MGAT4C: variants seen among roughly 807,000 people sequenced by gnomAD.
The protein encoded by MGAT4C is alpha-1,3-mannosyl-glycoprotein 4-beta-N-acetylglucosaminyltransferase C.
MGAT4C carries 19 observed loss-of-function variants against 40.1 expected under a neutral mutation model. That is an observed-to-expected ratio of 0.47 (90% CI 0.33 to 0.70). The LOEUF is 0.70. MGAT4C is among the 30% of genes least tolerant of loss of function. The pLI is 0.02. For synonymous variants in MGAT4C, 181 were observed against 187.1 expected (o/e 0.97, Z 0.27); for missense variants, 491 against 563.2 (o/e 0.87, Z 1.30).
chr12:86,064,470 T>C (rs1157759557), intron 1 of MGAT4C, among the ~76,000 whole-genome samples: 1 of 152,034 alleles, frequency 6.6e-6, no homozygotes, highest in Non-Finnish European at 1.5e-5. Flanking sequence ...GACTACTGGG[T>C]AAATAATGAA....
At chr12:86,261,624 A>T (rs1952660114) in intron 4 of MGAT4C, among the ~76,000 whole-genome samples, 1 of 152,062 alleles carries the variant, frequency 6.6e-6, no homozygotes, top group Non-Finnish European at 1.5e-5. Flanking sequence ...TACTCTATTG[A>T]TTTTCAATAT....
At chr12:86,049,653 A>C (rs1442049670) in intron 2 of MGAT4C, 21 bp downstream of exon 2, 1 of 973,334 alleles carries the variant, frequency 1.0e-6, no homozygotes, top group Non-Finnish European at 1.2e-6. Flanking sequence ...GAATACTACC[A>C]TGAATGACAT....
At chr12:86,661,218 A>G (rs984222806) in intron 2 of MGAT4C, among the ~76,000 whole-genome samples, 2 of 151,826 alleles carry the variant, frequency 1.3e-5, no homozygotes, top group African/African-American at 4.8e-5. Context: ...AAAAGGAAAA[A>G]GCCAAATAAA....
At chr12:86,361,862 A>T (rs1955482023) in intron 3 of MGAT4C, among the ~76,000 whole-genome samples, 6 of 152,220 alleles carry the variant, frequency 3.9e-5, no homozygotes, top group Admixed American at 3.9e-4. Flanking sequence ...ATGTGGAGAA[A>T]CAGGAATTCC....
At chr12:86,738,549 C>T (rs1283469368) in intron 1 of MGAT4C, among the ~76,000 whole-genome samples, 2 of 151,158 alleles carry the variant, frequency 1.3e-5, no homozygotes, top group Non-Finnish European at 3.0e-5. Context: ...TTAAATGAAT[C>T]ATGCCATTCA....
At chr12:86,177,275 A>G (rs1887552571) in intron 1 of MGAT4C, among the ~76,000 whole-genome samples, 1 of 152,188 alleles carries the variant, frequency 6.6e-6, no homozygotes, top group Non-Finnish European at 1.5e-5. Context: ...GAAAATAGAT[A>G]TTCTGATGGC....
At chr12:86,705,475 C>G (rs1950439656) in intron 2 of MGAT4C, among the ~76,000 whole-genome samples, 1 of 151,702 alleles carries the variant, frequency 6.6e-6, no homozygotes, top group Non-Finnish European at 1.5e-5. Context: ...TACTGGATCT[C>G]TGAAAAACTG....
chr12:86,451,620 CT>C (rs1261751283), intron 2 of MGAT4C, among the ~76,000 whole-genome samples: 1 of 152,020 alleles, frequency 6.6e-6, no homozygotes, highest in Non-Finnish European at 1.5e-5. Flanking sequence ...TCACAAGTGG[CT>C]CTTTGATTTT....
chr12:86,537,100 T>G (rs981203757), intron 2 of MGAT4C, among the ~76,000 whole-genome samples: 9 of 151,834 alleles, frequency 5.9e-5, no homozygotes, highest in African/African-American at 2.2e-4. Flanking sequence ...AAACCATCAC[T>G]CTCAGCAAAC....
intron 1 of MGAT4C, among the ~76,000 whole-genome samples, chr12:86,168,739 T>C (rs1466797401): frequency 6.6e-6 from 1 of 152,124 alleles, no homozygotes; most frequent in African/African-American, 2.4e-5. Context: ...TCCTGATGCC[T>C]AGACAAAAAG....
intron 1 of MGAT4C, among the ~76,000 whole-genome samples, chr12:86,203,879 C>G (rs1950144538): frequency 6.6e-6 from 1 of 151,146 alleles, no homozygotes; most frequent in African/African-American, 2.4e-5. Context: ...ATCACTTGAA[C>G]CCGGGAGGCA....
chr12:86,696,336 A>G (rs1326722046), intron 2 of MGAT4C, among the ~76,000 whole-genome samples: 1 of 152,192 alleles, frequency 6.6e-6, no homozygotes, highest in East Asian at 1.9e-4. Context: ...ATATCTCATG[A>G]ACACCTACCA....
chr12:86,364,301 A>T (rs1341941560), intron 3 of MGAT4C, among the ~76,000 whole-genome samples: 1 of 152,184 alleles, frequency 6.6e-6, no homozygotes, highest in African/African-American at 2.4e-5. Flanking sequence ...GAACATAGAT[A>T]CAAATATTTT....
intron 1 of MGAT4C, among the ~76,000 whole-genome samples, chr12:86,213,059 C>T (rs984019657): frequency 5.3e-5 from 8 of 152,010 alleles, no homozygotes; most frequent in African/African-American, 1.9e-4. Context: ...CAATGGAATT[C>T]AGGAAGTGAC....
chr12:86,328,401 T>C (rs1373049680), intron 4 of MGAT4C, among the ~76,000 whole-genome samples: 1 of 152,158 alleles, frequency 6.6e-6, no homozygotes. Context: ...ATAACACTAG[T>C]ATGTCTATAG....
rs73387883 is a variant in MGAT4C at position 86,470,546 on chromosome 12, C to T, written c.-228-35281G>A. On this transcript the variant is annotated intron_variant, in intron 2 of 7. Coordinates refer to the MGAT4C transcript ENST00000548651. Reference sequence around the variant, plus strand: ...GAAATGAATCTCTAATGTGTTCTTGCAGCTTATTTGCTTTTTTATTTTAGG... The same window carrying T: ...GAAATGAATCTCTAATGTGTTCTTGTAGCTTATTTGCTTTTTTATTTTAGG... 2.8e-3 allele frequency among the ~76,000 whole-genome samples: 427 copies of T among 152,258 alleles called. 2 individuals are homozygous for T. Among genetic ancestry groups the T allele is most frequent in the African/African-American group, 1.0e-2 (415 of 41,564 alleles).
At chr12:86,724,352 G>C (rs1488678275) in intron 2 of MGAT4C, among the ~76,000 whole-genome samples, 1 of 152,050 alleles carries the variant, frequency 6.6e-6, no homozygotes, top group Non-Finnish European at 1.5e-5. Context: ...TAAAATTATA[G>C]GCATCTCTAA....
intron 2 of MGAT4C, among the ~76,000 whole-genome samples, chr12:86,509,395 G>A (rs1958532075): frequency 6.6e-6 from 1 of 152,260 alleles, no homozygotes; most frequent in Non-Finnish European, 1.5e-5. Flanking sequence ...ATTTCTGAGA[G>A]CTCTGTTCTG....
intron 1 of MGAT4C, among the ~76,000 whole-genome samples, chr12:86,191,792 T>C (rs1326691001): frequency 2.5e-5 from 1 of 39,280 alleles, no homozygotes; most frequent in African/African-American, 1.0e-4. Flanking sequence ...GTGTGTGGTG[T>C]TTTCAGGATA....
Sources: gnomAD v4.1 joint callset for allele counts (sites outside exome capture counted in the v4.1 genomes callset) on GRCh38, gnomAD v4.1.1 for gene constraint, MANE v1.5 for transcripts, NCBI Gene and HGNC (gene_info 2026-07-23, HGNC 2026-07-21) for gene names.